Variants in GPR146 observed in about 807,000 individuals in gnomAD.
GPR146 encodes G-protein coupled receptor 146.
For synonymous variants in GPR146, 203 were observed against 104.3 expected (o/e 1.95, Z -5.77); for missense variants, 381 against 213.9 (o/e 1.78, Z -4.87).
At chr7:1,048,447 C>G (rs967401414) in intron 1 of GPR146, among the ~76,000 whole-genome samples, 4 of 152,136 alleles carry the variant, frequency 2.6e-5, no homozygotes, top group Admixed American at 2.6e-4. Flanking sequence ...CTCACACACA[C>G]ATACAGGGAC....
At chr7:1,046,236 C>G (rs545995910) in intron 1 of GPR146, among the ~76,000 whole-genome samples, 1 of 152,296 alleles carries the variant, frequency 6.6e-6, no homozygotes, top group Admixed American at 6.5e-5. Flanking sequence ...TAGGATGTCA[C>G]CTGGAATCCT....
chr7:1,045,305 C>T (rs904986029), intron 1 of GPR146: 2 of 152,222 alleles, frequency 1.3e-5, no homozygotes, highest in Non-Finnish European at 1.5e-5. Flanking sequence ...ACGTGGTGGA[C>T]CAGAGGATAA....
At chr7:1,053,486 C>G (rs1783368019) in intron 1 of GPR146, among the ~76,000 whole-genome samples, 1 of 152,258 alleles carries the variant, frequency 6.6e-6, no homozygotes, top group Admixed American at 6.5e-5. Context: ...TCGCCAGGCC[C>G]TGGCACGCTG....
intron 1 of GPR146, among the ~76,000 whole-genome samples, chr7:1,046,863 C>T (rs888233225): frequency 2.2e-4 from 34 of 152,194 alleles, no homozygotes; most frequent in African/African-American, 7.7e-4. Flanking sequence ...GAGAAATAAC[C>T]TGCTGGCTCC....
At chr7:1,050,588 G>A (rs1253397742) in intron 1 of GPR146, among the ~76,000 whole-genome samples, 1 of 152,246 alleles carries the variant, frequency 6.6e-6, no homozygotes, top group Non-Finnish European at 1.5e-5. Flanking sequence ...GGTGCAGGCG[G>A]ACGGACGCGG....
At chr7:1,053,799 C>A (rs1190501818) in intron 1 of GPR146, among the ~76,000 whole-genome samples, 1 of 152,160 alleles carries the variant, frequency 6.6e-6, no homozygotes, top group Admixed American at 6.5e-5. Context: ...TGCACTCCAG[C>A]CTGGGCAACA....
intron 1 of GPR146, among the ~76,000 whole-genome samples, chr7:1,053,104 C>A (rs1783300908): frequency 6.6e-6 from 1 of 152,230 alleles, no homozygotes; most frequent in South Asian, 2.1e-4. Flanking sequence ...TTCTCCAGTT[C>A]CAGGATGCCC....
intron 1 of GPR146, among the ~76,000 whole-genome samples, chr7:1,053,529 C>A (rs920243992): frequency 5.3e-5 from 8 of 152,192 alleles, no homozygotes; most frequent in Non-Finnish European, 1.0e-4. Context: ...AGCTCCCAGC[C>A]TTCAAAATGT....
Position 1,058,634 on chromosome 7 carries a change from G to A in GPR146, c.*117G>A, listed in dbSNP as rs1003161081. 1.5e-5 allele frequency: 9 copies of A among 615,994 alleles called. No individual in the cohort carries two copies. In the Admixed American group the frequency reaches 2.7e-4, roughly 18 times the overall value. 38.2% of individuals were successfully genotyped at this position (615,994 alleles called of 1,614,324 possible). On this transcript the variant is annotated 3_prime_UTR_variant, in exon 2 of 2. Coordinates refer to ENST00000444847, the MANE Select transcript of GPR146 (RefSeq NM_001303473.2). ...AGCTGCTGGAAGAGAAGCAGGAGGG[G>A]TGTTTTTCTTGAAGTTTCCTTTTTC...
chr7:1,057,306 T>TCACGACC (rs1015475616), intron 1 of GPR146, among the ~76,000 whole-genome samples, 186 bp from the exon 2 acceptor site: 14 of 152,172 alleles, frequency 9.2e-5, no homozygotes, highest in African/African-American at 3.4e-4. Context: ...CAGCCCCCGG[T>TCACGACC]CACGACCCGA....
At chr7:1,048,332 T>C (rs1357350925) in intron 1 of GPR146, among the ~76,000 whole-genome samples, 2 of 152,160 alleles carry the variant, frequency 1.3e-5, no homozygotes, top group African/African-American at 4.8e-5. Context: ...TCAAAAGCGA[T>C]GGCTTTTGTG....
At chr7:1,055,138 A>G (rs555572509) in intron 1 of GPR146, 404 of 410,406 alleles carry the variant, frequency 9.8e-4, no homozygotes, top group Non-Finnish European at 1.4e-3. Context: ...AGGTGGGACA[A>G]GAGGCCAGCT....
At chr7:1,055,837 GAGGCC>G (rs1756269429) in intron 1 of GPR146, among the ~76,000 whole-genome samples, 1 of 152,160 alleles carries the variant, frequency 6.6e-6, no homozygotes, top group South Asian at 2.1e-4. Flanking sequence ...GGCGCCCCGT[GAGGCC>G]AGGCCAGGCT....
At chr7:1,047,251 A>G (rs1205208022) in intron 1 of GPR146, among the ~76,000 whole-genome samples, 1 of 152,216 alleles carries the variant, frequency 6.6e-6, no homozygotes, top group Non-Finnish European at 1.5e-5. Context: ...TCAGGCCCCC[A>G]GAGCCCGTCC....
chr7:1,046,147 CAGTCGGA>C (rs1441709362), intron 1 of GPR146, among the ~76,000 whole-genome samples: 1 of 152,218 alleles, frequency 6.6e-6, no homozygotes, highest in African/African-American at 2.4e-5. Context: ...GTGTAATTTA[CAGTCGGA>C]AGAGGGACAT....
intron 1 of GPR146, among the ~76,000 whole-genome samples, chr7:1,050,779 G>A (rs748852342): frequency 1.3e-5 from 2 of 152,214 alleles, no homozygotes; most frequent in Non-Finnish European, 2.9e-5. Context: ...ATGACACAGA[G>A]GCACAGCTGA....
At chr7:1,053,375 CG>C (rs887051829) in intron 1 of GPR146, among the ~76,000 whole-genome samples, 20 of 152,230 alleles carry the variant, frequency 1.3e-4, no homozygotes, top group Non-Finnish European at 1.3e-4. Flanking sequence ...CTAATGTGCC[CG>C]GAACAGCTCA....
chr7:1,056,436 C>T (rs1783775998), intron 1 of GPR146: 1 of 152,456 alleles, frequency 6.6e-6, no homozygotes, highest in Non-Finnish European at 1.5e-5. Flanking sequence ...CCCGTCCTGC[C>T]CACCAGCCTC....
At chr7:1,048,954 T>C (rs1054567090) in intron 1 of GPR146, among the ~76,000 whole-genome samples, 3 of 152,252 alleles carry the variant, frequency 2.0e-5, no homozygotes, top group Non-Finnish European at 1.5e-5. Context: ...AAATTCATTG[T>C]GTTGGTATCA....
Sources: allele counts gnomAD v4.1 joint callset (sites outside exome capture counted in the v4.1 genomes callset), GRCh38; gene constraint gnomAD v4.1.1; transcripts MANE v1.5; gene names NCBI Gene and HGNC (gene_info 2026-07-23, HGNC 2026-07-21).